The following DEPDC5 variants were observed in gnomAD, a reference collection of about 807,000 sequenced individuals.
DEPDC5 encodes the protein DEP domain containing 5, GATOR1 subcomplex subunit, also known as GATOR1 complex protein DEPDC5.
Under a neutral mutation model 217.3 loss-of-function variants are expected in DEPDC5, and 73 were observed. That is an observed-to-expected ratio of 0.34 (90% CI 0.28 to 0.41). The LOEUF (loss-of-function observed/expected upper bound fraction) is 0.41, where lower values mean the gene tolerates loss of function less well. Among genes scored for constraint, DEPDC5 ranks in the 10% least tolerant of loss-of-function variants. The probability of loss-of-function intolerance (pLI) is 1.00; values close to 1 mark genes in which losing one functional copy is unlikely to be tolerated. For missense variants in DEPDC5, 1,675 were observed against 2,070.1 expected (o/e 0.81, Z 3.70); for synonymous variants, 733 against 756.7 (o/e 0.97, Z 0.51).
intron 24 of DEPDC5, among the ~76,000 whole-genome samples, chr22:31,823,889 T>C (rs180684000): frequency 4.6e-5 from 7 of 152,240 alleles, no homozygotes; most frequent in African/African-American, 1.7e-4. Context: ...CTTTAAGGGA[T>C]AGAGTAACAT....
In DEPDC5 at chr22:31,893,711, T is replaced by C. The variant is rs1446980540; in HGVS notation, c.4163T>C (p.Leu1388Pro). The C allele has an allele frequency of 6.2e-7, 1 of 1,613,898 alleles. No homozygotes were observed. Among genetic ancestry groups the C allele is most frequent in the Admixed American group, 1.7e-5 (1 of 59,968 alleles). The change falls in exon 39 of 43, where the codon CTG becomes CCG. Residue 1388 changes from leucine (L) to proline (P), a missense_variant. Coordinates refer to ENST00000651528, the MANE Select transcript of DEPDC5 (RefSeq NM_001242896.3). The part of the protein sequence containing the change: ...FSLNAAFEIK[L>P]HWMAVTAAVL... ...CTGAATGCAGCCTTTGAGATCAAGC[T>C]GCACTGGATGGCGGTGACCGCAGCA...
chr22:31,784,816 G>A lies in DEPDC5; in HGVS notation c.565G>A (p.Asp189Asn). 1 of 1,612,910 alleles carries A rather than the reference G, an allele frequency of 6.2e-7. No homozygotes were observed. Among genetic ancestry groups the A allele is most frequent in the African/African-American group, 1.3e-5 (1 of 74,990 alleles). The change falls in exon 10 of 43, where the codon GAT (aspartate) becomes AAT (asparagine). Residue 189 changes from aspartate (D) to asparagine (N), a missense_variant and splice_region_variant. Asp to Asn is a conservative substitution (Grantham distance 23). Around this residue, in one of 11 missense-constraint regions of DEPDC5, gnomAD observed 628 missense variants for 762.1 expected, o/e 0.82. Coordinates refer to ENST00000651528, the MANE Select transcript of DEPDC5 (RefSeq NM_001242896.3). ...CEMWDFDIYG[D>N]LYFEKAVNGF... is the part of the protein sequence containing the mutation. ...CTTTTTTCATTGTTTCTTTTCAGGG[G>A]ATTTGTATTTTGAGAAAGCTGTGAA...
intron 29 of DEPDC5, 178 bp from the exon 30 acceptor site, chr22:31,844,840 C>T (rs1156769611): frequency 5.8e-6 from 4 of 690,928 alleles, no homozygotes; most frequent in Admixed American, 2.8e-5. Context: ...TAGGTGTGAG[C>T]CACCATGCCC....
rs1165227955 is a variant in DEPDC5, at chr22:31,907,386, T to G, written c.*889T>G. The G allele has an allele frequency of 2.2e-5, 3 of 135,670 alleles. No individual in the cohort carries two copies. Among genetic ancestry groups the G allele is most frequent in the African/African-American group, 9.9e-5 (3 of 30,366 alleles). The allele number at this position is 135,670 out of a possible 1,614,324, so 8.4% of individuals were successfully genotyped here. A position where few individuals can be genotyped will look rare whatever the true frequency, so the allele number is the denominator to read the frequency against. On this transcript the variant is annotated 3_prime_UTR_variant, in exon 43 of 43. Coordinates refer to ENST00000651528, the MANE Select transcript of DEPDC5 (RefSeq NM_001242896.3). ...CTAACTTAGGTTTTTTTTGTTGTTGTTTTTTTTGTTGTTTTTTTTGACACA... is the reference window on the plus strand; with the variant it reads ...CTAACTTAGGTTTTTTTTGTTGTTGGTTTTTTTGTTGTTTTTTTTGACACA...
rs1395259914 is a variant in DEPDC5, at chr22:31,876,110, CAA to C, written c.3697-46_3697-45del. 7 of 1,584,272 alleles carry C rather than the reference CAA, an allele frequency of 4.4e-6. No homozygotes were observed. In the African/African-American group the frequency reaches 9.4e-5, roughly 21 times the overall value. On this transcript the variant is annotated intron_variant, in intron 36 of 42. Transcript: ENST00000651528. Reference sequence around the variant, plus strand: ...AGAGCATGACTGAGGGCTGCCCCTTCAAGATGCCTCTCTGCAGGAATTTCAGA... The same window carrying C: ...AGAGCATGACTGAGGGCTGCCCCTTCGATGCCTCTCTGCAGGAATTTCAGA...
chr22:31,882,578 T>C (rs1057339004), intron 38 of DEPDC5, among the ~76,000 whole-genome samples: 1 of 152,240 alleles, frequency 6.6e-6, no homozygotes, highest in African/African-American at 2.4e-5. Flanking sequence ...TTCTTGGAAG[T>C]GTGTTTACAG....
At chr22:31,883,177 C>T (rs1416582761) in intron 38 of DEPDC5, among the ~76,000 whole-genome samples, 1 of 152,184 alleles carries the variant, frequency 6.6e-6, no homozygotes, top group African/African-American at 2.4e-5. Flanking sequence ...CAAATGTCCC[C>T]TGGGGTTGGT....
At chr22:31,761,050 C>T (rs879658487) in intron 4 of DEPDC5, among the ~76,000 whole-genome samples, 1 of 151,316 alleles carries the variant, frequency 6.6e-6, no homozygotes, top group East Asian at 1.9e-4. Flanking sequence ...GGCGCGATCT[C>T]GGCTCACTGC....
In DEPDC5 at chr22:31,810,564, A is replaced by C; in HGVS notation, c.1368A>C (p.Gln456His). 6.2e-7 allele frequency: 1 copy of C among 1,614,124 alleles called. No homozygotes were observed. Among genetic ancestry groups the C allele is most frequent in the Non-Finnish European group, 8.5e-7 (1 of 1,180,024 alleles). Reference sequence around the variant, plus strand: ...AATCTGAGAACGCCCTTCCCATCCAAGTAGATTATGACGCCTATGACGCTC... The same window carrying C: ...AATCTGAGAACGCCCTTCCCATCCACGTAGATTATGACGCCTATGACGCTC... The part of the protein sequence containing the change: ...PKESENALPI[Q>H]VDYDAYDAQV... The change falls in exon 20 of 43, where the codon CAA becomes CAC. Residue 456 changes from glutamine to histidine, a missense_variant. Coordinates refer to ENST00000651528, the MANE Select transcript of DEPDC5 (RefSeq NM_001242896.3).
intron 16 of DEPDC5, among the ~76,000 whole-genome samples, 196 bp downstream of exon 16, chr22:31,804,419 C>T (rs2087247361): frequency 6.6e-6 from 1 of 152,134 alleles, no homozygotes; most frequent in Admixed American, 6.5e-5. Flanking sequence ...CCAGCCTGGG[C>T]AGCAAAGCAA....
intron 33 of DEPDC5, 29 bp downstream of exon 33, chr22:31,861,462 C>G (rs1384692592): frequency 5.8e-6 from 9 of 1,550,628 alleles, no homozygotes; most frequent in Non-Finnish European, 7.9e-6. Context: ...CTTCGCATGC[C>G]TGTCCCACTG....
chr22:31,785,346 T>C (rs1460945956), intron 10 of DEPDC5, among the ~76,000 whole-genome samples: 1 of 152,170 alleles, frequency 6.6e-6, no homozygotes, highest in East Asian at 1.9e-4. Flanking sequence ...CAAAATCAAT[T>C]GTATTTCTAT....
chr22:31,861,895 G>A (rs948399614), intron 33 of DEPDC5, among the ~76,000 whole-genome samples: 1 of 152,226 alleles, frequency 6.6e-6, no homozygotes, highest in Admixed American at 6.5e-5. Context: ...ATAGGCCAAA[G>A]GTGTAGCTCA....
At chr22:31,781,478 G>T (rs918893774) in intron 8 of DEPDC5, among the ~76,000 whole-genome samples, 3 of 152,006 alleles carry the variant, frequency 2.0e-5, no homozygotes, top group Non-Finnish European at 4.4e-5. Flanking sequence ...TGTTGCCTAG[G>T]CTGGAGTGCA....
chr22:31,798,999 G>T (rs1263510222), intron 14 of DEPDC5, among the ~76,000 whole-genome samples: 1 of 151,630 alleles, frequency 6.6e-6, no homozygotes, highest in Non-Finnish European at 1.5e-5. Flanking sequence ...TTGTGTAACT[G>T]CTGTCTTTCT....
chr22:31,838,412 T>C (rs759665761), intron 26 of DEPDC5, among the ~76,000 whole-genome samples: 1 of 152,138 alleles, frequency 6.6e-6, no homozygotes, highest in Non-Finnish European at 1.5e-5. Flanking sequence ...TGGTTAATTT[T>C]TGTATATTTT....
At chr22:31,767,758 T>G (rs2082946047) in intron 6 of DEPDC5, among the ~76,000 whole-genome samples, 1 of 151,574 alleles carries the variant, frequency 6.6e-6, no homozygotes, top group Middle Eastern at 3.2e-3. Context: ...ATTTGTTTAT[T>G]TTTTTTGAGA....
chr22:31,883,597 A>T (rs1417277113), intron 38 of DEPDC5, among the ~76,000 whole-genome samples: 1 of 152,198 alleles, frequency 6.6e-6, no homozygotes, highest in Non-Finnish European at 1.5e-5. Flanking sequence ...CAGTCTCCTG[A>T]TGGGTACTAC....
chr22:31,815,849 T>C (rs919745291), intron 21 of DEPDC5: 80 of 1,136,904 alleles, frequency 7.0e-5, no homozygotes, highest in Non-Finnish European at 8.4e-5. Flanking sequence ...TTATACTATT[T>C]TTTGTTTAGC....
Sources: gnomAD v4.1 joint callset for allele counts (sites outside exome capture counted in the v4.1 genomes callset) on GRCh38, gnomAD v4.1.1 for gene constraint, gnomAD v4.1.1 regional missense constraint, MANE v1.5 for transcripts, NCBI Gene and HGNC (gene_info 2026-07-23, HGNC 2026-07-21) for gene names.